EVL: variants seen among roughly 807,000 people sequenced by gnomAD.
The protein encoded by EVL is ena/VASP-like protein.
In EVL, 21 loss-of-function variants were observed where a neutral mutation model predicts 59.6. That is an observed-to-expected ratio of 0.35 (90% confidence interval 0.25 to 0.51). EVL has a LOEUF of 0.51. EVL is among the 20% of genes least tolerant of loss of function. The pLI is 0.97. For missense variants in EVL, 462 were observed against 546.6 expected (o/e 0.85, Z 1.54); for synonymous variants, 198 against 203.5 (o/e 0.97, Z 0.23).
At chr14:100,023,532 G>GGTCA (rs2061162521) in intron 1 of EVL, among the ~76,000 whole-genome samples, 1 of 151,460 alleles carries the variant, frequency 6.6e-6, no homozygotes, top group Non-Finnish European at 1.5e-5. Flanking sequence ...TTTCCATGTT[G>GGTCA]GTCAGGCTGG....
intron 3 of EVL, among the ~76,000 whole-genome samples, chr14:100,110,155 T>G (rs1292598026): frequency 6.6e-6 from 1 of 152,192 alleles, no homozygotes; most frequent in African/African-American, 2.4e-5. Flanking sequence ...AGGGGATCAC[T>G]TCAGTGTGAG....
At chr14:100,129,728 G>T in intron 7 of EVL, 44 bp downstream of exon 7, 1 of 1,500,870 alleles carries the variant, frequency 6.7e-7, no homozygotes, top group Non-Finnish European at 8.9e-7. Context: ...CTAGCAGGAA[G>T]CTCCTGCCCC....
At chr14:100,047,112 C>CTTTTT (rs1566983234) in intron 1 of EVL, among the ~76,000 whole-genome samples, 1 of 11,410 alleles carries the variant, frequency 8.8e-5, no homozygotes, top group African/African-American at 5.7e-4. Flanking sequence ...GGGCAGATCT[C>CTTTTT]TCTCTCTTTT....
chr14:99,998,546 A>G (rs1321052825), intron 1 of EVL, among the ~76,000 whole-genome samples: 2 of 152,204 alleles, frequency 1.3e-5, no homozygotes, highest in African/African-American at 2.4e-5. Flanking sequence ...AAAAGTTACT[A>G]GTTTTGTAAA....
At chr14:100,025,888 A>T (rs1166991289) in intron 1 of EVL, among the ~76,000 whole-genome samples, 1 of 152,172 alleles carries the variant, frequency 6.6e-6, no homozygotes, top group Non-Finnish European at 1.5e-5. Context: ...GTGAGCCGAG[A>T]TCGGGCCACT....
At chr14:100,031,817 T>A (rs1258353234) in intron 1 of EVL, among the ~76,000 whole-genome samples, 1 of 152,232 alleles carries the variant, frequency 6.6e-6, no homozygotes, top group South Asian at 2.1e-4. Context: ...ACGATTTACT[T>A]TCACTTGTTG....
intron 2 of EVL, among the ~76,000 whole-genome samples, chr14:100,086,362 A>G (rs1388995143): frequency 6.6e-6 from 1 of 152,218 alleles, no homozygotes; most frequent in African/African-American, 2.4e-5. Context: ...AAATATCTCA[A>G]GCTTTCAGAA....
At chr14:99,975,413 C>T (rs1035576922) in intron 1 of EVL, among the ~76,000 whole-genome samples, 1 of 152,152 alleles carries the variant, frequency 6.6e-6, no homozygotes, top group Non-Finnish European at 1.5e-5. Context: ...AAATCATCAG[C>T]CATAAGTACT....
chr14:99,991,290 G>A (rs961916317), intron 1 of EVL, among the ~76,000 whole-genome samples: 1 of 152,056 alleles, frequency 6.6e-6, no homozygotes, highest in Non-Finnish European at 1.5e-5. Context: ...CGCTGCCAGT[G>A]CTCATTTAAT....
chr14:99,991,632 A>G (rs2060875983), intron 1 of EVL, among the ~76,000 whole-genome samples: 1 of 152,206 alleles, frequency 6.6e-6, no homozygotes, highest in African/African-American at 2.4e-5. Flanking sequence ...TCCAAAGTTG[A>G]TATACTAGAG....
At chr14:100,061,459 G>GC (rs148667503), upstream of EVL, among the ~76,000 whole-genome samples, 575 of 57,364 alleles carry the variant, frequency 0.01, 18 homozygotes, top group East Asian at 0.033. Context: ...TCCTCAGGCT[G>GC]CAAAAAAAAA....
intron 1 of EVL, among the ~76,000 whole-genome samples, chr14:100,067,589 G>T (rs1248192131): frequency 6.6e-6 from 1 of 152,222 alleles, no homozygotes; most frequent in Non-Finnish European, 1.5e-5. Context: ...GACTACAGGT[G>T]TGGGCCACCA....
At chr14:100,087,435 G>A (rs779623292) in intron 2 of EVL, among the ~76,000 whole-genome samples, 1 of 152,250 alleles carries the variant, frequency 6.6e-6, no homozygotes, top group African/African-American at 2.4e-5. Context: ...GCAACATAGT[G>A]AGACCCCATC....
chr14:99,995,610 G>T (rs998675850), intron 1 of EVL, among the ~76,000 whole-genome samples: 1 of 152,116 alleles, frequency 6.6e-6, no homozygotes, highest in African/African-American at 2.4e-5. Flanking sequence ...AGTTTCTGGA[G>T]ATTTAACTTG....
At chr14:99,997,883 A>G (rs2060923768) in intron 1 of EVL, among the ~76,000 whole-genome samples, 1 of 152,194 alleles carries the variant, frequency 6.6e-6, no homozygotes, top group African/African-American at 2.4e-5. Flanking sequence ...GTTACCAAGC[A>G]TGATTAGAAA....
intron 1 of EVL, among the ~76,000 whole-genome samples, chr14:99,991,769 T>A (rs989956878): frequency 6.6e-6 from 1 of 152,188 alleles, no homozygotes; most frequent in African/African-American, 2.4e-5. Flanking sequence ...GAATACAGTA[T>A]ATATAATACA....
chr14:100,107,562 T>C, intron 3 of EVL: 1 of 347,016 alleles, frequency 2.9e-6, no homozygotes. Flanking sequence ...GATCACTTTT[T>C]CCAGGCCAAG....
At chr14:100,045,833 C>T (rs1474115638) in intron 1 of EVL, among the ~76,000 whole-genome samples, 1 of 152,136 alleles carries the variant, frequency 6.6e-6, no homozygotes, top group East Asian at 1.9e-4. Context: ...TGGAATGAAT[C>T]AATGAATTCT....
intron 1 of EVL, among the ~76,000 whole-genome samples, chr14:99,997,164 T>C (rs1285123168): frequency 1.3e-5 from 2 of 152,244 alleles, no homozygotes; most frequent in Non-Finnish European, 2.9e-5. Flanking sequence ...ACGCATTCCT[T>C]TTTTTAATCA....
Sources: allele counts gnomAD v4.1 joint callset (sites outside exome capture counted in the v4.1 genomes callset), GRCh38; gene constraint gnomAD v4.1.1; transcripts MANE v1.5; gene names NCBI Gene and HGNC (gene_info 2026-07-23, HGNC 2026-07-21).